The following ZC3H12C variants were observed in gnomAD, a reference collection of about 807,000 sequenced individuals.
The protein encoded by ZC3H12C is probable ribonuclease ZC3H12C.
A neutral mutation model predicts 76.3 loss-of-function variants in ZC3H12C; 20 were observed. The ratio of observed to expected loss-of-function variants is 0.26; its 90% CI spans 0.18 to 0.38. The LOEUF is 0.38. ZC3H12C is among the 10% of genes least tolerant of loss of function. The pLI, the probability that ZC3H12C is intolerant of heterozygous loss-of-function variation, is 1.00. For missense variants in ZC3H12C, 874 were observed against 1,086.5 expected (o/e 0.80, Z 2.75); for synonymous variants, 352 against 399.6 (o/e 0.88, Z 1.42).
At chr11:110,153,150 C>T in intron 3 of ZC3H12C, 92 bp downstream of exon 3, 6 of 1,456,936 alleles carry the variant, frequency 4.1e-6, no homozygotes, top group Non-Finnish European at 3.7e-6. Context: ...ATCCATTTCA[C>T]TTGCTCAGCG....
chr11:110,130,998 C>T (rs1392094236), intron 1 of ZC3H12C: 2 of 1,531,074 alleles, frequency 1.3e-6, no homozygotes, highest in Non-Finnish European at 8.7e-7. Context: ...ATCTGTTCAA[C>T]CATTCATTGT....
rs2134201726 is a variant in ZC3H12C at position 110,164,004 on chromosome 11, G to A, written c.1256-337G>A. On this transcript the variant is annotated intron_variant, in intron 5 of 5. Transcript: ENST00000278590. This position sits in a 1 kb window ranked among gnomAD's most constrained non-coding sequence, Gnocchi z 5.7. ...GATCCCAGCTACTCAGATGGCCGAG[G>A]CATAAGAATTGCTTGAACCCGAGAG... Among the ~76,000 whole-genome samples, 1 of 152,042 alleles carries A rather than the reference G, an allele frequency of 6.6e-6. No individual in the cohort carries two copies. The highest frequency in any genetic ancestry group is 6.5e-5 in the Admixed American group (1 of 15,268).
At chr11:110,114,575 G>T (rs915557902) in intron 1 of ZC3H12C, among the ~76,000 whole-genome samples, 1 of 152,090 alleles carries the variant, frequency 6.6e-6, no homozygotes, top group Non-Finnish European at 1.5e-5. Context: ...TTGGATACTG[G>T]CTTAACCTTT....
intron 1 of ZC3H12C, chr11:110,124,104 CT>C (rs1430154101): frequency 5.3e-5 from 8 of 152,246 alleles, no homozygotes; most frequent in Non-Finnish European, 1.2e-4. Flanking sequence ...TGCAGTGGAA[CT>C]TCCGCAGTTG....
intron 1 of ZC3H12C, among the ~76,000 whole-genome samples, chr11:110,115,763 T>A (rs1189922663): frequency 2.0e-5 from 3 of 149,284 alleles, no homozygotes; most frequent in African/African-American, 7.4e-5. Flanking sequence ...TTTTTTTTTT[T>A]TTTTCTTTTT....
chr11:110,136,772 A>T lies in ZC3H12C; in HGVS notation c.131A>T (p.His44Leu). ...LKDHLGHDLG[H>L]LYVESTDPQL... ...GATCACCTAGGGCATGACCTCGGCC[A>T]CCTTTATGTGGAGAGCACTGACCCA... Residue 44 changes from histidine (H) to leucine (L), a missense_variant, in exon 2 of 6, where the codon CAC (histidine) becomes CTC (leucine). Physicochemically the swap from His to Leu is moderately conservative, Grantham distance 99 (BLOSUM62 -3). Coordinates refer to ENST00000278590, the MANE Select transcript of ZC3H12C (RefSeq NM_033390.2). 1 of 1,613,920 alleles carries T rather than the reference A, an allele frequency of 6.2e-7. No homozygotes were observed. The highest frequency in any genetic ancestry group is 8.5e-7 in the Non-Finnish European group (1 of 1,179,870).
intron 1 of ZC3H12C, among the ~76,000 whole-genome samples, chr11:110,108,292 T>G (rs191582662): frequency 6.6e-6 from 1 of 152,170 alleles, no homozygotes; most frequent in Non-Finnish European, 1.5e-5. Context: ...TCATGCCCTC[T>G]TTACCTGGCT....
Position 110,164,232 on chromosome 11 carries a change from G to A in ZC3H12C, c.1256-109G>A, listed in dbSNP as rs1213048728. 3.1e-6 allele frequency: 3 copies of A among 974,150 alleles called. No homozygotes were observed. The highest frequency in any genetic ancestry group is 2.6e-5 in the East Asian group (1 of 38,206). The allele number at this position is 974,150 out of a possible 1,614,324, so 60.3% of individuals were successfully genotyped here. A position where few individuals can be genotyped will look rare whatever the true frequency, so the allele number is the denominator to read the frequency against. Reference sequence around the variant, plus strand: ...AAAGAACAGAGTGACACTTAGCACAGCTCCCATTTCTATCGTTGTCTCTTC... The same window carrying A: ...AAAGAACAGAGTGACACTTAGCACAACTCCCATTTCTATCGTTGTCTCTTC... On this transcript the variant is annotated intron_variant, in intron 5 of 5. Coordinates refer to ENST00000278590, the MANE Select transcript of ZC3H12C (RefSeq NM_033390.2). The surrounding 1 kb of genome is among the most constrained non-coding windows in gnomAD (Gnocchi z 5.7).
At chr11:110,119,266 A>G (rs933809640) in intron 1 of ZC3H12C, among the ~76,000 whole-genome samples, 7 of 152,178 alleles carry the variant, frequency 4.6e-5, no homozygotes, top group African/African-American at 1.7e-4. Flanking sequence ...TCCCATCTCA[A>G]TATAAAAGCC....
chr11:110,153,002 C>T lies in ZC3H12C; in HGVS notation c.857C>T (p.Thr286Ile). The T allele has an allele frequency of 1.2e-6, 2 of 1,611,970 alleles. No homozygotes were observed. Among genetic ancestry groups the T allele is most frequent in the South Asian group, 2.2e-5 (2 of 90,480 alleles). ...TTGGAAAGAGGCCACAAAGACATTACAGTTTTTGTTCCTGCTTGGAGGAAA... is the reference window on the plus strand; with the variant it reads ...TTGGAAAGAGGCCACAAAGACATTATAGTTTTTGTTCCTGCTTGGAGGAAA... ...WFLERGHKDI[T>I]VFVPAWRKEQ... Residue 286 changes from threonine to isoleucine, a missense_variant, in exon 3 of 6, where the codon ACA (threonine) becomes ATA (isoleucine). This residue lies in a region of ZC3H12C where 269 missense variants were observed against 424.9 expected (regional missense o/e 0.63). Transcript: ENST00000278590.
At chr11:110,134,881 T>C (rs1457159466) in intron 1 of ZC3H12C, among the ~76,000 whole-genome samples, 3 of 152,208 alleles carry the variant, frequency 2.0e-5, no homozygotes, top group African/African-American at 7.2e-5. Flanking sequence ...ATTATCAAGC[T>C]GAAGATTCCA....
At chr11:110,094,650 G>A (rs1294506936) in intron 1 of ZC3H12C, among the ~76,000 whole-genome samples, 1 of 152,114 alleles carries the variant, frequency 6.6e-6, no homozygotes, top group African/African-American at 2.4e-5. Context: ...TAAGTTTAGG[G>A]TTCTCTGTGT....
rs532567349 is a variant in ZC3H12C at position 110,165,323 on chromosome 11, G to A, written c.2238G>A (p.Thr746=). 31 of 1,613,984 alleles carry A rather than the reference G, an allele frequency of 1.9e-5. No individual in the cohort carries two copies. Among genetic ancestry groups the A allele is most frequent in the South Asian group, 1.5e-4 (14 of 91,078 alleles). Residue 746 remains threonine (T), a synonymous_variant, in exon 6 of 6, where the codon ACG becomes ACA. Transcript: ENST00000278590. ...APHLGRSLVA[T]RIDSISDSRL... Reference sequence around the variant, plus strand: ...ACCTAGGGAGGTCCTTGGTGGCCACGAGAATAGACAGCATCTCTGACTCTC... The same window carrying A: ...ACCTAGGGAGGTCCTTGGTGGCCACAAGAATAGACAGCATCTCTGACTCTC...
chr11:110,139,466 A>T (rs1437545234), intron 2 of ZC3H12C, among the ~76,000 whole-genome samples: 1 of 152,204 alleles, frequency 6.6e-6, no homozygotes, highest in African/African-American at 2.4e-5. Context: ...TATGGGAGGT[A>T]GGAGATCAGT....
intron 1 of ZC3H12C, among the ~76,000 whole-genome samples, chr11:110,098,788 G>C (rs1286778126): frequency 6.6e-6 from 1 of 152,216 alleles, no homozygotes; most frequent in African/African-American, 2.4e-5. Flanking sequence ...TAGCCATCTA[G>C]AGGTTTGTGT....
At chr11:110,107,097 A>G (rs1356850927) in intron 1 of ZC3H12C, among the ~76,000 whole-genome samples, 1 of 152,244 alleles carries the variant, frequency 6.6e-6, no homozygotes, top group Non-Finnish European at 1.5e-5. Context: ...TACATGCCCT[A>G]GAGGGATTCC....
At chr11:110,107,647 T>C (rs1171649778) in intron 1 of ZC3H12C, among the ~76,000 whole-genome samples, 1 of 152,056 alleles carries the variant, frequency 6.6e-6, no homozygotes, top group African/African-American at 2.4e-5. Context: ...TGCCTCAGCC[T>C]CCTGAGTAGC....
At chr11:110,100,430 C>G (rs1291748331) in intron 1 of ZC3H12C, among the ~76,000 whole-genome samples, 1 of 152,112 alleles carries the variant, frequency 6.6e-6, no homozygotes, top group Non-Finnish European at 1.5e-5. Context: ...TTTTATTGCA[C>G]TTCACAGACA....
At chr11:110,094,444 T>G (rs1383593193) in intron 1 of ZC3H12C, among the ~76,000 whole-genome samples, 2 of 152,192 alleles carry the variant, frequency 1.3e-5, no homozygotes, top group Non-Finnish European at 2.9e-5. Context: ...CGTGCTTGAG[T>G]TTTTCCACTT....
Sources: allele counts gnomAD v4.1 joint callset (sites outside exome capture counted in the v4.1 genomes callset), GRCh38; gene constraint gnomAD v4.1.1; regional missense constraint gnomAD v4.1.1; non-coding constraint Gnocchi (gnomAD v3.1); transcripts MANE v1.5; gene names NCBI Gene and HGNC (gene_info 2026-07-23, HGNC 2026-07-21).